Variants in NRXN3 observed in about 807,000 individuals in gnomAD.
NRXN3 encodes the protein neurexin III.
In NRXN3, 32 loss-of-function variants were observed where a neutral mutation model predicts 137.6. The ratio of observed to expected loss-of-function variants is 0.23; its 90% CI spans 0.18 to 0.31. NRXN3 has a LOEUF of 0.31. NRXN3 is among the 10% of genes least tolerant of loss of function. The pLI, the probability that NRXN3 is intolerant of heterozygous loss-of-function variation, is 1.00. For missense variants in NRXN3, 1,574 were observed against 2,062.5 expected, an observed-to-expected ratio of 0.76 and a Z score of 4.59; for synonymous variants, 798 against 784.5, an observed-to-expected ratio of 1.02 and a Z score of -0.29.
intron 10 of NRXN3, among the ~76,000 whole-genome samples, chr14:78,945,439 A>G (rs1406913379): frequency 1.3e-5 from 2 of 151,974 alleles, no homozygotes; most frequent in Non-Finnish European, 2.9e-5. Flanking sequence ...TTTACTCTTT[A>G]TCCTGTACGG....
At chr14:78,362,303 AT>A (rs71131642) in intron 4 of NRXN3, among the ~76,000 whole-genome samples, 2 of 109,472 alleles carry the variant, frequency 1.8e-5, no homozygotes, top group African/African-American at 3.6e-5. Context: ...TTTGAAACAC[AT>A]TTTTTTTTTT....
chr14:78,257,313 C>T (rs1327709641), intron 2 of NRXN3, among the ~76,000 whole-genome samples: 1 of 152,230 alleles, frequency 6.6e-6, no homozygotes, highest in Non-Finnish European at 1.5e-5. Flanking sequence ...CTGACATTCA[C>T]TACATGGATA....
At chr14:79,015,152 T>A (rs2099577234) in intron 15 of NRXN3, among the ~76,000 whole-genome samples, 1 of 152,096 alleles carries the variant, frequency 6.6e-6, no homozygotes, top group African/African-American at 2.4e-5. Context: ...CTACTTAATA[T>A]CCCTGAGAAT....
chr14:79,752,815 C>G (rs954470031), intron 19 of NRXN3, among the ~76,000 whole-genome samples: 1 of 152,002 alleles, frequency 6.6e-6, no homozygotes, highest in African/African-American at 2.4e-5. Flanking sequence ...TCACAACCTA[C>G]TCATCTGACA....
At chr14:78,624,827 G>GTT (rs1566917963) in intron 4 of NRXN3, among the ~76,000 whole-genome samples, 2 of 150,360 alleles carry the variant, frequency 1.3e-5, no homozygotes, top group African/African-American at 4.9e-5. Context: ...GTGTGTGTGT[G>GTT]TGTGTTTGTT....
chr14:78,267,871 T>C (rs1426852410), intron 2 of NRXN3, among the ~76,000 whole-genome samples: 3 of 152,178 alleles, frequency 2.0e-5, no homozygotes, highest in Admixed American at 2.0e-4. Flanking sequence ...CTAACAGCAA[T>C]GCAGAGCCGT....
chr14:79,459,568 G>T (rs895166355), intron 15 of NRXN3, among the ~76,000 whole-genome samples: 1 of 152,058 alleles, frequency 6.6e-6, no homozygotes, highest in Admixed American at 6.6e-5. Context: ...CTCCAGAATT[G>T]CAAGACAATG....
chr14:79,802,011 A>G (rs2099183295), intron 19 of NRXN3, among the ~76,000 whole-genome samples: 1 of 151,460 alleles, frequency 6.6e-6, no homozygotes, highest in Non-Finnish European at 1.5e-5. Flanking sequence ...GGAAGACAGT[A>G]TCTTTTCAAC....
intron 17 of NRXN3, chr14:79,669,084 T>C (rs1407289382): frequency 6.6e-6 from 1 of 152,136 alleles, no homozygotes; most frequent in Non-Finnish European, 1.5e-5. Flanking sequence ...TGTCTTTTCC[T>C]GCGAACATTT....
chr14:79,152,287 G>T (rs1531629), intron 15 of NRXN3, among the ~76,000 whole-genome samples: 149,375 of 152,172 alleles, frequency 0.98, 73,372 homozygotes, highest in Middle Eastern at 1. Flanking sequence ...CTTGTTATTT[G>T]CACCTTTAAA....
chr14:78,284,343 G>A lies in NRXN3; in HGVS notation c.727+5681G>A, dbSNP rs151250167. On this transcript the variant is annotated intron_variant, in intron 3 of 20. Coordinates refer to ENST00000335750, the MANE Select transcript of NRXN3 (RefSeq NM_001330195.2). ...TCTTGCCTTTGCTTCAAGTTGTCCCGCCTTTCCAGACCTAACCAATGTACT... is the reference window on the plus strand; with the variant it reads ...TCTTGCCTTTGCTTCAAGTTGTCCCACCTTTCCAGACCTAACCAATGTACT... Among the ~76,000 whole-genome samples the A allele has an allele frequency of 2.5e-4, 38 of 152,156 alleles. 1 individual carries two copies. In the South Asian group the frequency reaches 4.2e-3, roughly 17 times the overall value.
intron 14 of NRXN3, among the ~76,000 whole-genome samples, chr14:78,985,731 A>G (rs1348465903): frequency 6.6e-6 from 1 of 152,214 alleles, no homozygotes; most frequent in Non-Finnish European, 1.5e-5. Context: ...ATTACTAGCC[A>G]ATTGTATGGT....
At chr14:78,543,065 T>C (rs2096606035) in intron 4 of NRXN3, among the ~76,000 whole-genome samples, 1 of 152,138 alleles carries the variant, frequency 6.6e-6, no homozygotes. Context: ...AGAGGGCCAC[T>C]GTAGCCTCAT....
intron 1 of NRXN3, among the ~76,000 whole-genome samples, chr14:78,212,408 G>A (rs976333009): frequency 6.6e-6 from 1 of 152,128 alleles, no homozygotes; most frequent in African/African-American, 2.4e-5. Context: ...AAAAACAAGT[G>A]ATTCAAACCC....
intron 4 of NRXN3, among the ~76,000 whole-genome samples, chr14:78,435,238 G>C (rs1476908273): frequency 6.6e-6 from 1 of 152,154 alleles, no homozygotes; most frequent in Non-Finnish European, 1.5e-5. Flanking sequence ...TTATGTGATT[G>C]TTCTTGGAAG....
intron 15 of NRXN3, among the ~76,000 whole-genome samples, chr14:79,396,562 G>T (rs930517753): frequency 6.6e-6 from 1 of 152,036 alleles, no homozygotes; most frequent in African/African-American, 2.4e-5. Flanking sequence ...AAGCAGCCCT[G>T]TAGTTTGTGT....
At chr14:79,808,904 C>A (rs1029949848) in intron 20 of NRXN3, among the ~76,000 whole-genome samples, 1 of 152,106 alleles carries the variant, frequency 6.6e-6, no homozygotes. Context: ...TTAAGGGTCA[C>A]CACGGTTTGG....
rs117416640 is a variant in NRXN3, at chr14:79,757,130, G to A, written c.4015-47982G>A. Among the ~76,000 whole-genome samples, 350 of 152,244 alleles carry A rather than the reference G, an allele frequency of 2.3e-3. 12 individuals carry two copies. The East Asian group carries it at 0.044, about 19-fold the overall frequency. ...GCTTCCCATTTCAAGAGGACATTTG[G>A]GTTCACTACACCTCTCCAAGCCGTC... On this transcript the variant is annotated intron_variant, in intron 19 of 20. Coordinates refer to ENST00000335750, the MANE Select transcript of NRXN3 (RefSeq NM_001330195.2).
intron 4 of NRXN3, among the ~76,000 whole-genome samples, chr14:78,324,545 A>C (rs940311180): frequency 1.3e-5 from 2 of 152,126 alleles, no homozygotes; most frequent in Admixed American, 6.5e-5. Context: ...TAACAAAACC[A>C]AATTAAGAGA....
Sources: allele counts gnomAD v4.1 joint callset (sites outside exome capture counted in the v4.1 genomes callset), GRCh38; gene constraint gnomAD v4.1.1; transcripts MANE v1.5; gene names NCBI Gene and HGNC (gene_info 2026-07-23, HGNC 2026-07-21).